FAM227B: variants seen among roughly 807,000 people sequenced by gnomAD.
FAM227B encodes the protein family with sequence similarity 227 member B, also known as protein FAM227B.
Under a neutral mutation model 73.8 loss-of-function variants are expected in FAM227B, and 88 were observed. The ratio of observed to expected loss-of-function variants is 1.19; its 90% CI spans 1.00 to 1.42. The LOEUF (loss-of-function observed/expected upper bound fraction) is 1.42. FAM227B is among the 40% of genes most tolerant of loss of function. The pLI is 0.00. For missense variants in FAM227B, 632 were observed against 590.9 expected, an observed-to-expected ratio of 1.07 and a Z score of -0.72; for synonymous variants, 210 against 190.5, an observed-to-expected ratio of 1.10 and a Z score of -0.84.
chr15:49,443,923 G>C lies in FAM227B; in HGVS notation c.1012+64288C>G, dbSNP rs561100214. Among the ~76,000 whole-genome samples the C allele has an allele frequency of 1.6e-4, 21 of 134,346 alleles. No homozygotes were observed. The East Asian group carries it at 5.4e-3, about 35-fold the overall frequency. The allele number at this position is 134,346 out of a possible 152,430, so 88.1% of individuals were successfully genotyped here. On this transcript the variant is annotated intron_variant, in intron 11 of 15. Transcript: ENST00000299338. Reference sequence around the variant, plus strand: ...ATATGTACACTTTTTTTCCCTGAGAGTCAGTTGTTAAACATTTACATCATG... The same window carrying C: ...ATATGTACACTTTTTTTCCCTGAGACTCAGTTGTTAAACATTTACATCATG...
At chr15:49,598,185 T>C (rs145371755) in intron 3 of FAM227B, among the ~76,000 whole-genome samples, 248 of 151,986 alleles carry the variant, frequency 1.6e-3, no homozygotes, top group Non-Finnish European at 2.3e-3. Flanking sequence ...TACATGCCAA[T>C]ACCTCCTTCT....
At chr15:49,340,174 C>T (rs2040456938) in intron 13 of FAM227B, among the ~76,000 whole-genome samples, 1 of 152,300 alleles carries the variant, frequency 6.6e-6, no homozygotes, top group East Asian at 1.9e-4. Context: ...TGAAAGAAAA[C>T]TCCTGTGGCT....
intron 3 of FAM227B, among the ~76,000 whole-genome samples, chr15:49,593,278 G>T (rs564767086): frequency 6.6e-6 from 1 of 152,076 alleles, no homozygotes; most frequent in African/African-American, 2.4e-5. Context: ...AATCACACAG[G>T]AGCTGTAGAC....
intron 11 of FAM227B, among the ~76,000 whole-genome samples, chr15:49,459,330 C>T (rs567237314): frequency 1.3e-5 from 2 of 152,252 alleles, no homozygotes; most frequent in South Asian, 4.1e-4. Context: ...CATGTGATGC[C>T]TACAACAAAT....
intron 9 of FAM227B, among the ~76,000 whole-genome samples, chr15:49,549,319 G>GCATTT (rs2072446313): frequency 5.7e-5 from 5 of 87,368 alleles, no homozygotes; most frequent in African/African-American, 1.6e-4. Flanking sequence ...ATTTGCATAT[G>GCATTT]TATTTTATTT....
At chr15:49,341,379 C>T (rs573631816) in intron 13 of FAM227B, among the ~76,000 whole-genome samples, 1 of 152,214 alleles carries the variant, frequency 6.6e-6, no homozygotes, top group South Asian at 2.1e-4. Context: ...TTCTTCCAAC[C>T]CATGAGCATA....
At chr15:49,513,094 A>G (rs915928811) in intron 10 of FAM227B, among the ~76,000 whole-genome samples, 3 of 152,214 alleles carry the variant, frequency 2.0e-5, no homozygotes, top group Admixed American at 6.5e-5. Flanking sequence ...TAATAGAATG[A>G]TTTATATTCC....
At chr15:49,592,614 G>A (rs933264259) in intron 3 of FAM227B, among the ~76,000 whole-genome samples, 2 of 152,208 alleles carry the variant, frequency 1.3e-5, no homozygotes, top group Non-Finnish European at 1.5e-5. Context: ...CCTACTGGGA[G>A]GTGTCTCCCA....
Position 49,356,072 on chromosome 15 carries a change from C to A in FAM227B, c.1271+11376G>T, listed in dbSNP as rs867659610. On this transcript the variant is annotated intron_variant, in intron 13 of 15. Transcript: ENST00000299338. ...TTTTCTCACCAACAGGCCTGCCTTA[C>A]AAGAGCTCCTGAAGGAAGCACTAAA... Among the ~76,000 whole-genome samples, 295 of 144,672 alleles carry A rather than the reference C, an allele frequency of 2.0e-3. No homozygotes were observed. The Middle Eastern group carries it at 0.025, about 12-fold the overall frequency. 94.9% of individuals were successfully genotyped at this position (144,672 alleles called of 152,430 possible). A position where few individuals can be genotyped will look rare whatever the true frequency, so the allele number is the denominator to read the frequency against.
intron 11 of FAM227B, among the ~76,000 whole-genome samples, chr15:49,474,656 A>G (rs998835043): frequency 5.9e-5 from 9 of 152,042 alleles, no homozygotes; most frequent in African/African-American, 2.2e-4. Context: ...TGGGCTGGGG[A>G]CCGGTACTGG....
chr15:49,564,918 T>C (rs113468518), intron 9 of FAM227B, among the ~76,000 whole-genome samples: 64 of 152,152 alleles, frequency 4.2e-4, no homozygotes, highest in African/African-American at 1.5e-3. Context: ...GGATCTTTCA[T>C]ACAATATACC....
chr15:49,565,947 G>A (rs2074621106), intron 9 of FAM227B, among the ~76,000 whole-genome samples: 1 of 152,174 alleles, frequency 6.6e-6, no homozygotes, highest in African/African-American at 2.4e-5. Context: ...GACAGAAGAG[G>A]CAAGGAATAG....
intron 11 of FAM227B, among the ~76,000 whole-genome samples, chr15:49,431,433 T>TAA (rs2050609882): frequency 6.6e-6 from 1 of 151,810 alleles, no homozygotes; most frequent in Non-Finnish European, 1.5e-5. Context: ...TAGTAATATG[T>TAA]AAAGACAAAG....
chr15:49,548,969 TTTC>T (rs1306415407), intron 9 of FAM227B, among the ~76,000 whole-genome samples: 1 of 152,170 alleles, frequency 6.6e-6, no homozygotes, highest in Non-Finnish European at 1.5e-5. Context: ...TTTATTAATC[TTTC>T]TTATCATTTG....
intron 11 of FAM227B, among the ~76,000 whole-genome samples, chr15:49,416,600 T>C (rs2151710564): frequency 6.6e-6 from 1 of 152,238 alleles, no homozygotes; most frequent in South Asian, 2.1e-4. Context: ...ATTTTCTATG[T>C]AGAAAATCGC....
intron 14 of FAM227B, among the ~76,000 whole-genome samples, chr15:49,333,471 G>T (rs1022316388): frequency 6.6e-6 from 1 of 152,184 alleles, no homozygotes; most frequent in Non-Finnish European, 1.5e-5. Context: ...TCTCAGTGGT[G>T]AAAATTCTTG....
intron 3 of FAM227B, among the ~76,000 whole-genome samples, chr15:49,596,070 C>T (rs371404477): frequency 3.3e-5 from 5 of 151,942 alleles, no homozygotes; most frequent in Non-Finnish European, 7.4e-5. Context: ...GACTTCCCTG[C>T]CTTGCTAGAA....
intron 10 of FAM227B, among the ~76,000 whole-genome samples, chr15:49,514,071 C>T (rs1019235207): frequency 1.3e-5 from 2 of 152,054 alleles, no homozygotes; most frequent in Non-Finnish European, 2.9e-5. Context: ...AAGGCCTTGG[C>T]TATGTGGGCT....
intron 11 of FAM227B, among the ~76,000 whole-genome samples, chr15:49,454,581 C>T (rs1336404706): frequency 2.0e-5 from 3 of 151,976 alleles, no homozygotes; most frequent in Non-Finnish European, 4.4e-5. Context: ...CTAGATATTC[C>T]CCATAATTAT....
Sources: gnomAD v4.1 joint callset for allele counts (sites outside exome capture counted in the v4.1 genomes callset) on GRCh38, gnomAD v4.1.1 for gene constraint, MANE v1.5 for transcripts, NCBI Gene and HGNC (gene_info 2026-07-23, HGNC 2026-07-21) for gene names.